Variants in UBQLN4 observed in about 807,000 individuals in gnomAD.
The protein encoded by UBQLN4 is ubiquilin-4.
A neutral mutation model predicts 60.4 loss-of-function variants in UBQLN4; 11 were observed. That is an observed-to-expected ratio of 0.18 (90% CI 0.11 to 0.30). The LOEUF is 0.30. Ranked by LOEUF, UBQLN4 falls within the 10% of genes least tolerant of loss-of-function variation. The pLI is 1.00. For synonymous variants in UBQLN4, 258 were observed against 313.1 expected (o/e 0.82, Z 1.86); for missense variants, 417 against 795.5 (o/e 0.52, Z 5.72).
rs1683576448 is a variant in UBQLN4, at chr1:156,041,881, AGCC to A, written c.1454_1456del (p.Gly485_Leu486delinsVal). 6.2e-7 allele frequency: 1 copy of A among 1,610,656 alleles called. No individual in the cohort carries two copies. Among genetic ancestry groups the A allele is most frequent in the Non-Finnish European group, 8.5e-7 (1 of 1,179,048 alleles). ...GCCCCCCTACCCTCACCTGGGTACC[AGCC>A]CAGGGGCCTCGGTCTGCAAGGTCTG... On this transcript the variant is annotated inframe_deletion, in exon 9 of 11. Coordinates refer to ENST00000368309, the MANE Select transcript of UBQLN4 (RefSeq NM_020131.5).
Position 156,048,733 on chromosome 1 carries a change from G to A in UBQLN4, c.742-74C>T. 6.6e-7 allele frequency: 1 copy of A among 1,526,326 alleles called. No individual in the cohort carries two copies. The highest frequency in any genetic ancestry group is 8.9e-7 in the Non-Finnish European group (1 of 1,118,868). The allele number at this position is 1,526,326 out of a possible 1,614,324, so 94.5% of individuals were successfully genotyped here. The stretch of plus-strand genomic sequence containing the variant: ...AACCTAGGAAAAGGGTGGGCCTTGA[G>A]GAAGGGGGGTCTGTATCAGGATCAG... On this transcript the variant is annotated intron_variant, in intron 4 of 10. Transcript: ENST00000368309. This position sits in a 1 kb window ranked among gnomAD's most constrained non-coding sequence, Gnocchi z 4.9.
rs751488313 is a variant in UBQLN4 at position 156,041,569 on chromosome 1, T to A, written c.1569A>T (p.Thr523=). The change falls in exon 10 of 11, where the codon ACA becomes ACT. Residue 523 remains threonine, a synonymous_variant. Coordinates refer to ENST00000368309, the MANE Select transcript of UBQLN4 (RefSeq NM_020131.5). ...CGCTGGAAGCCCCTGTTGGAGAAGATGTGGCTGGCGTGGCTGGTGAGGAAG... is the reference window on the plus strand; with the variant it reads ...CGCTGGAAGCCCCTGTTGGAGAAGAAGTGGCTGGCGTGGCTGGTGAGGAAG... ...APTSSPATPA[T]SSPTGASSAQ... is the part of the protein sequence containing the mutation. 1 of 1,613,172 alleles carries A rather than the reference T, an allele frequency of 6.2e-7. No homozygotes were observed. The highest frequency in any genetic ancestry group is 8.5e-7 in the Non-Finnish European group (1 of 1,179,662).
At position 156,048,249 on chromosome 1, in the gene UBQLN4, A is replaced by G. The variant is rs115942895; in HGVS notation, c.900+252T>C. On this transcript the variant is annotated intron_variant, in intron 5 of 10. Transcript: ENST00000368309. The surrounding 1 kb of genome is among the most constrained non-coding windows in gnomAD (Gnocchi z 4.9). Reference sequence around the variant, plus strand: ...CACGTGACCTTTGAGCCCCTGGTACAAGAAGTTTGTCAGGATGTCAAGTTC... The same window carrying G: ...CACGTGACCTTTGAGCCCCTGGTACGAGAAGTTTGTCAGGATGTCAAGTTC... 4.7e-3 allele frequency among the ~76,000 whole-genome samples: 716 copies of G among 152,274 alleles called. 9 individuals carry two copies. The highest frequency in any genetic ancestry group is 0.017 in the African/African-American group (687 of 41,546).
At chr1:156,033,934 G>C (rs1276606390), downstream of UBQLN4, among the ~76,000 whole-genome samples, 1 of 151,634 alleles carries the variant, frequency 6.6e-6, no homozygotes, top group Non-Finnish European at 1.5e-5. Context: ...CTGGCCTCCA[G>C]GTCAAAGGCA....
downstream of UBQLN4, chr1:156,035,292 A>G: frequency 4.1e-6 from 4 of 985,480 alleles, no homozygotes; most frequent in Non-Finnish European, 4.8e-6. Context: ...AACAAACGCC[A>G]ACACACTCTC....
chr1:156,046,931 C>T lies in UBQLN4; in HGVS notation c.900+1570G>A, dbSNP rs560454450. Among the ~76,000 whole-genome samples, 30 of 152,108 alleles carry T rather than the reference C, an allele frequency of 2.0e-4. No individual in the cohort carries two copies. In the South Asian group the frequency reaches 6.2e-3, roughly 32 times the overall value. On this transcript the variant is annotated intron_variant, in intron 5 of 10. Coordinates refer to ENST00000368309, the MANE Select transcript of UBQLN4 (RefSeq NM_020131.5). ...ATATATAGACGTTTATAGACATATA[C>T]ATAGGTAATAAAAGAATCAGAATGA... is the stretch of plus-strand genomic sequence containing the variant.
At chr1:156,033,499 C>A (rs1683329228), downstream of UBQLN4, among the ~76,000 whole-genome samples, 3 of 151,982 alleles carry the variant, frequency 2.0e-5, no homozygotes, top group South Asian at 4.1e-4. Context: ...AGTTTGAGAC[C>A]AGTCTGGGCA....
downstream of UBQLN4, among the ~76,000 whole-genome samples, chr1:156,032,920 A>G (rs1473748337): frequency 1.3e-5 from 2 of 152,174 alleles, no homozygotes; most frequent in African/African-American, 2.4e-5. Context: ...AGAGGAAGAC[A>G]AGGAGGACAA....
intron 1 of UBQLN4, 93 bp downstream of exon 1, chr1:156,053,501 G>A (rs1042312455): frequency 3.1e-6 from 3 of 978,456 alleles, no homozygotes; most frequent in Non-Finnish European, 3.9e-6. Context: ...CTCCTCTCCG[G>A]GGCCCTCCGG....
In UBQLN4 at chr1:156,043,979, C is replaced by T. The variant is rs201909365; in HGVS notation, c.1126+19G>A. The T allele has an allele frequency of 5.0e-6, 8 of 1,613,036 alleles. No homozygotes were observed. In the East Asian group the frequency reaches 1.3e-4, roughly 27 times the overall value. ...CTGCCCTGGTGACCCCACTAAGCTC[C>T]TTCCATCCTAGGACATACCTGACCC... On this transcript the variant is annotated intron_variant, in intron 6 of 10. Coordinates refer to ENST00000368309, the MANE Select transcript of UBQLN4 (RefSeq NM_020131.5).
At position 156,050,143 on chromosome 1, in the gene UBQLN4, T is replaced by G. The variant is rs1460829147; in HGVS notation, c.741+148A>C. 8 of 1,111,240 alleles carry G rather than the reference T, an allele frequency of 7.2e-6. No homozygotes were observed. Among genetic ancestry groups the G allele is most frequent in the Non-Finnish European group, 9.8e-6 (8 of 818,004 alleles). 68.8% of individuals were successfully genotyped at this position (1,111,240 alleles called of 1,614,324 possible). ...TTGACACCTGGAATTCCTGAAAAGC[T>G]AGGCCTGTCTTTTCATCCCTGTACC... On this transcript the variant is annotated intron_variant, in intron 4 of 10. Coordinates refer to ENST00000368309, the MANE Select transcript of UBQLN4 (RefSeq NM_020131.5). This position sits in a 1 kb window ranked among gnomAD's most constrained non-coding sequence, Gnocchi z 4.6.
rs929993459 is a variant in UBQLN4 at position 156,036,320 on chromosome 1, C to T, written c.*658G>A. On this transcript the variant is annotated 3_prime_UTR_variant, in exon 11 of 11. Coordinates refer to ENST00000368309, the MANE Select transcript of UBQLN4 (RefSeq NM_020131.5). ...CTCTTTCACACGAATTTCCTCTGGGCTGCTCCAGCGTTTGTTAATTCCTGT... is the reference window on the plus strand; with the variant it reads ...CTCTTTCACACGAATTTCCTCTGGGTTGCTCCAGCGTTTGTTAATTCCTGT... The T allele has an allele frequency of 3.9e-5, 38 of 985,578 alleles. No individual in the cohort carries two copies. Among genetic ancestry groups the T allele is most frequent in the African/African-American group, 5.2e-5 (3 of 57,244 alleles). The allele number at this position is 985,578 out of a possible 1,614,324, so 61.1% of individuals were successfully genotyped here. A position where few individuals can be genotyped will look rare whatever the true frequency, so the allele number is the denominator to read the frequency against.
chr1:156,034,827 A>ATATATATATAT (rs1171747115), downstream of UBQLN4, among the ~76,000 whole-genome samples: 10 of 25,064 alleles, frequency 4.0e-4, no homozygotes, highest in African/African-American at 1.5e-3. Flanking sequence ...TTAACCTTCT[A>ATATATATATAT]TATATATATA....
chr1:156,043,463 C>T (rs947918198), intron 6 of UBQLN4, among the ~76,000 whole-genome samples: 1 of 152,122 alleles, frequency 6.6e-6, no homozygotes, highest in Non-Finnish European at 1.5e-5. Flanking sequence ...GAAACTAAAA[C>T]ACACAGAGGG....
downstream of UBQLN4, among the ~76,000 whole-genome samples, chr1:156,031,449 T>A (rs1683295398): frequency 6.6e-6 from 1 of 152,160 alleles, no homozygotes; most frequent in African/African-American, 2.4e-5. Flanking sequence ...GAGTTTGAGC[T>A]CAGTTTGGCT....
intron 5 of UBQLN4, among the ~76,000 whole-genome samples, chr1:156,045,757 T>G (rs1683681702): frequency 6.6e-6 from 1 of 152,212 alleles, no homozygotes; most frequent in South Asian, 2.1e-4. Flanking sequence ...ACTACAAAAA[T>G]GTAAAACAAG....
At chr1:156,033,549 T>G (rs537032949), downstream of UBQLN4, among the ~76,000 whole-genome samples, 9 of 152,148 alleles carry the variant, frequency 5.9e-5, no homozygotes, top group South Asian at 1.7e-3. Context: ...ATATAAAAAT[T>G]AGCTGGGCAT....
chr1:156,042,649 G>A, intron 7 of UBQLN4, 125 bp downstream of exon 7: 1 of 1,401,744 alleles, frequency 7.1e-7, no homozygotes, highest in Non-Finnish European at 9.6e-7. Context: ...ACACAGCTGG[G>A]AAGCAGCAGA....
At chr1:156,049,708 G>A (rs1400039557) in intron 4 of UBQLN4, among the ~76,000 whole-genome samples, 1 of 152,210 alleles carries the variant, frequency 6.6e-6, no homozygotes, top group African/African-American at 2.4e-5. Context: ...ATCTTCTGGT[G>A]AGTCCAGCAC....
Sources: gnomAD v4.1 joint callset for allele counts (sites outside exome capture counted in the v4.1 genomes callset) on GRCh38, gnomAD v4.1.1 for gene constraint, Gnocchi (gnomAD v3.1) non-coding constraint, MANE v1.5 for transcripts, NCBI Gene and HGNC (gene_info 2026-07-23, HGNC 2026-07-21) for gene names.